Variants in CNOT4 observed in about 807,000 individuals in gnomAD.
The protein encoded by CNOT4 is CCR4-associated factor 4.
A neutral mutation model predicts 73.8 loss-of-function variants in CNOT4; 8 were observed. The ratio of observed to expected loss-of-function variants is 0.11; its 90% CI spans 0.06 to 0.20. The LOEUF is 0.20. Among genes scored for constraint, CNOT4 ranks in the 10% least tolerant of loss-of-function variants. The pLI is 1.00. For missense variants in CNOT4, 564 were observed against 883.4 expected (o/e 0.64, Z 4.58); for synonymous variants, 293 against 321.1 (o/e 0.91, Z 0.94).
At chr7:135,437,253 G>A (rs551784737) in intron 2 of CNOT4, among the ~76,000 whole-genome samples, 1 of 151,866 alleles carries the variant, frequency 6.6e-6, no homozygotes, top group African/African-American at 2.4e-5. Context: ...GCTGTGGCAC[G>A]ATCTCGGCTC....
chr7:135,503,583 C>G (rs537851533), intron 1 of CNOT4, among the ~76,000 whole-genome samples: 53 of 152,100 alleles, frequency 3.5e-4, no homozygotes, highest in African/African-American at 1.2e-3. Context: ...TTAAAAATAC[C>G]AAAAGTTCCT....
At chr7:135,412,405 T>G (rs1404963691) in intron 6 of CNOT4, among the ~76,000 whole-genome samples, 1 of 151,948 alleles carries the variant, frequency 6.6e-6, no homozygotes, top group East Asian at 1.9e-4. Flanking sequence ...CTCTACTAAT[T>G]AAAATTTAGT....
chr7:135,485,820 T>C (rs1304422626), intron 1 of CNOT4, among the ~76,000 whole-genome samples: 2 of 152,134 alleles, frequency 1.3e-5, no homozygotes, highest in East Asian at 3.9e-4. Context: ...AACGTAAAAG[T>C]ATAAAACTTT....
At chr7:135,405,757 G>A (rs1202094472) in intron 7 of CNOT4, among the ~76,000 whole-genome samples, 1 of 152,126 alleles carries the variant, frequency 6.6e-6, no homozygotes, top group Non-Finnish European at 1.5e-5. Flanking sequence ...ACATATATGT[G>A]CATCGGGGAC....
At chr7:135,501,585 T>C (rs185195148) in intron 1 of CNOT4, among the ~76,000 whole-genome samples, 6 of 152,296 alleles carry the variant, frequency 3.9e-5, no homozygotes, top group African/African-American at 9.6e-5. Context: ...CAAAATATGC[T>C]GCACACTATT....
intron 1 of CNOT4, among the ~76,000 whole-genome samples, chr7:135,471,332 G>A (rs1467675120): frequency 1.3e-5 from 2 of 150,920 alleles, no homozygotes; most frequent in Non-Finnish European, 2.9e-5. Flanking sequence ...AACGAAAACA[G>A]TTGATACTTT....
At chr7:135,371,451 A>C (rs1383939008) in intron 10 of CNOT4, among the ~76,000 whole-genome samples, 2 of 152,226 alleles carry the variant, frequency 1.3e-5, no homozygotes, top group East Asian at 3.8e-4. Context: ...CAAATAAGAA[A>C]ACATCAGAGG....
At chr7:135,375,276 G>A (rs1795456180) in intron 10 of CNOT4, among the ~76,000 whole-genome samples, 1 of 152,196 alleles carries the variant, frequency 6.6e-6, no homozygotes. Flanking sequence ...GTTAAGTGTG[G>A]AATGGTTCAA....
intron 7 of CNOT4, among the ~76,000 whole-genome samples, chr7:135,398,468 T>C (rs929586314): frequency 3.3e-5 from 5 of 151,988 alleles, no homozygotes. Flanking sequence ...CACGCTGACA[T>C]GACACTCAAA....
chr7:135,416,684 A>C (rs1797892628), intron 3 of CNOT4, among the ~76,000 whole-genome samples: 1 of 152,202 alleles, frequency 6.6e-6, no homozygotes, highest in African/African-American at 2.4e-5. Flanking sequence ...GGGTTCAGTC[A>C]GGCCGGTCAC....
At chr7:135,503,404 A>G (rs1804131931) in intron 1 of CNOT4, among the ~76,000 whole-genome samples, 1 of 151,930 alleles carries the variant, frequency 6.6e-6, no homozygotes, top group Non-Finnish European at 1.5e-5. Context: ...TCAAGGCTAC[A>G]ATGAGCTAGG....
intron 2 of CNOT4, among the ~76,000 whole-genome samples, chr7:135,423,448 T>G (rs1033217474): frequency 6.7e-6 from 1 of 149,756 alleles, no homozygotes; most frequent in Non-Finnish European, 1.5e-5. Flanking sequence ...AAAGTTAACC[T>G]CCATCTCTTC....
intron 1 of CNOT4, among the ~76,000 whole-genome samples, chr7:135,484,055 C>T (rs769192147): frequency 1.8e-4 from 27 of 151,970 alleles, no homozygotes; most frequent in Non-Finnish European, 2.9e-4. Context: ...ATTAGCCAGA[C>T]GTGGTGGCAG....
At chr7:135,488,256 G>A (rs1006780330) in intron 1 of CNOT4, among the ~76,000 whole-genome samples, 2 of 152,098 alleles carry the variant, frequency 1.3e-5, no homozygotes, top group Admixed American at 1.3e-4. Flanking sequence ...TCACCTCCCA[G>A]GTTCAAGCGA....
intron 10 of CNOT4, among the ~76,000 whole-genome samples, chr7:135,366,476 G>A (rs1042759846): frequency 4.6e-5 from 7 of 152,190 alleles, no homozygotes; most frequent in Non-Finnish European, 7.3e-5. Context: ...GCAAGGGTAT[G>A]TTAGCCAAAG....
rs1485772264 is a variant in CNOT4, at chr7:135,362,236, CCTT to C, written c.*646_*648del. On this transcript the variant is annotated 3_prime_UTR_variant, in exon 12 of 12. Transcript: ENST00000541284. The stretch of plus-strand genomic sequence containing the variant: ...CCTTTAAAAAAATTACTTCTCACCT[CCTT>C]ATGAACTCTTTAGCAATCGGCCAGT... The C allele has an allele frequency of 2.6e-5, 4 of 153,418 alleles. No homozygotes were observed. Among genetic ancestry groups the C allele is most frequent in the South Asian group, 2.0e-4 (1 of 4,888 alleles). 9.5% of individuals were successfully genotyped at this position (153,418 alleles called of 1,614,324 possible). A position where few individuals can be genotyped will look rare whatever the true frequency, so the allele number is the denominator to read the frequency against.
At chr7:135,388,720 T>C (rs1161029933) in intron 10 of CNOT4, 4 of 1,546,498 alleles carry the variant, frequency 2.6e-6, no homozygotes, top group Non-Finnish European at 3.5e-6. Context: ...AGCAAAATCA[T>C]AAAGGAATCA....
intron 1 of CNOT4, among the ~76,000 whole-genome samples, chr7:135,498,799 G>C (rs543802529): frequency 1.3e-5 from 2 of 152,006 alleles, no homozygotes; most frequent in African/African-American, 2.4e-5. Context: ...CACCTGCCTC[G>C]GCCTCCCAAA....
intron 1 of CNOT4, among the ~76,000 whole-genome samples, chr7:135,507,415 A>G (rs1006919910): frequency 3.3e-5 from 5 of 152,210 alleles, no homozygotes; most frequent in African/African-American, 1.2e-4. Context: ...AAGCAAAACT[A>G]TTTAGAAATC....
Sources: allele counts gnomAD v4.1 joint callset (sites outside exome capture counted in the v4.1 genomes callset), GRCh38; gene constraint gnomAD v4.1.1; transcripts MANE v1.5; gene names NCBI Gene and HGNC (gene_info 2026-07-23, HGNC 2026-07-21).